Variants in MAPK9 observed in about 807,000 individuals in gnomAD.
The protein encoded by MAPK9 is Jun kinase.
A neutral mutation model predicts 57.1 loss-of-function variants in MAPK9; 30 were observed. The ratio of observed to expected loss-of-function variants is 0.53; its 90% CI spans 0.39 to 0.71. The LOEUF is 0.71. Ranked by LOEUF, MAPK9 falls within the 30% of genes least tolerant of loss-of-function variation. The pLI, the probability that MAPK9 is intolerant of heterozygous loss-of-function variation, is 0.00. For missense variants in MAPK9, 362 were observed against 521.0 expected (o/e 0.69, Z 2.97); for synonymous variants, 155 against 177.0 (o/e 0.88, Z 0.99).
At chr5:180,286,501 A>T (rs1762784254) in intron 1 of MAPK9, among the ~76,000 whole-genome samples, 1 of 151,774 alleles carries the variant, frequency 6.6e-6, no homozygotes, top group Non-Finnish European at 1.5e-5. Context: ...TTTCTTTGAT[A>T]ATCAAGAACC....
intron 4 of MAPK9, 29 bp downstream of exon 4, chr5:180,264,752 G>C: frequency 6.4e-7 from 1 of 1,553,592 alleles, no homozygotes; most frequent in Non-Finnish European, 8.7e-7. Flanking sequence ...TTGATGTACA[G>C]TGCATTACTG....
At chr5:180,266,059 T>C (rs1344687445) in intron 3 of MAPK9, among the ~76,000 whole-genome samples, 1 of 133,732 alleles carries the variant, frequency 7.5e-6, no homozygotes, top group African/African-American at 2.8e-5. Flanking sequence ...TAATGTCAAA[T>C]GGAAAAAAAA....
chr5:180,270,775 G>A (rs754741643), intron 2 of MAPK9, among the ~76,000 whole-genome samples: 10 of 151,394 alleles, frequency 6.6e-5, no homozygotes, highest in Non-Finnish European at 1.0e-4. Flanking sequence ...TGCTTGAGCC[G>A]GGGGTCGAGA....
chr5:180,254,329 G>T (rs1759040430), intron 5 of MAPK9, among the ~76,000 whole-genome samples: 1 of 152,172 alleles, frequency 6.6e-6, no homozygotes, highest in African/African-American at 2.4e-5. Context: ...GTGTGACAGG[G>T]AGGGACCTAA....
chr5:180,262,740 T>G (rs1195924122), intron 4 of MAPK9, among the ~76,000 whole-genome samples: 2 of 152,038 alleles, frequency 1.3e-5, no homozygotes, highest in Non-Finnish European at 2.9e-5. Context: ...CTCAGCCTTC[T>G]CCCATTTTTT....
chr5:180,280,861 C>A (rs1191458329), intron 1 of MAPK9, among the ~76,000 whole-genome samples: 1 of 152,092 alleles, frequency 6.6e-6, no homozygotes, highest in African/African-American at 2.4e-5. Context: ...AAATAACCAC[C>A]TTTGGAGAAA....
intron 1 of MAPK9, among the ~76,000 whole-genome samples, chr5:180,281,779 G>T (rs977984096): frequency 1.3e-5 from 2 of 152,170 alleles, no homozygotes; most frequent in African/African-American, 2.4e-5. Context: ...AGTGACCACT[G>T]CCCCACGGTC....
chr5:180,280,332 AAC>A, intron 2 of MAPK9, 106 bp downstream of exon 2: 7 of 1,451,782 alleles, frequency 4.8e-6, no homozygotes, highest in East Asian at 2.3e-5. Flanking sequence ...ATAAACCTAT[AAC>A]AGAGTTTTTT....
intron 8 of MAPK9, among the ~76,000 whole-genome samples, chr5:180,241,358 C>T (rs111804647): frequency 3.0e-4 from 45 of 150,588 alleles, no homozygotes; most frequent in Non-Finnish European, 5.6e-4. Context: ...AATGCAGTGG[C>T]GCAATCTTGG....
chr5:180,274,821 C>G (rs1761670488), intron 2 of MAPK9, among the ~76,000 whole-genome samples: 1 of 152,070 alleles, frequency 6.6e-6, no homozygotes, highest in Non-Finnish European at 1.5e-5. Context: ...AAACTAACAC[C>G]TTCTCTGTTT....
At chr5:180,268,267 T>C (rs1331303863) in intron 3 of MAPK9, among the ~76,000 whole-genome samples, 1 of 152,206 alleles carries the variant, frequency 6.6e-6, no homozygotes, top group African/African-American at 2.4e-5. Context: ...TTGATTTCTG[T>C]GGAGCTTCCA....
At chr5:180,243,932 C>T (rs893132971) in intron 7 of MAPK9, among the ~76,000 whole-genome samples, 4 of 152,188 alleles carry the variant, frequency 2.6e-5, no homozygotes, top group African/African-American at 9.7e-5. Context: ...ACTGCAACCT[C>T]CACCTCCCGG....
At chr5:180,255,303 A>C (rs1759157808) in intron 5 of MAPK9, among the ~76,000 whole-genome samples, 1 of 152,124 alleles carries the variant, frequency 6.6e-6, no homozygotes, top group South Asian at 2.1e-4. Flanking sequence ...AGAGACAAGG[A>C]CAGCAAGCAA....
intron 9 of MAPK9, among the ~76,000 whole-genome samples, chr5:180,240,394 A>C (rs575718759): frequency 6.6e-6 from 1 of 152,328 alleles, no homozygotes; most frequent in Non-Finnish European, 1.5e-5. Context: ...CCAATGTCCA[A>C]CTCATAAATG....
At chr5:180,255,672 C>T (rs1467526006) in intron 5 of MAPK9, among the ~76,000 whole-genome samples, 3 of 152,118 alleles carry the variant, frequency 2.0e-5, no homozygotes, top group Non-Finnish European at 2.9e-5. Flanking sequence ...CTCACGATGA[C>T]GCAACGAGCC....
At chr5:180,283,196 C>T (rs1309413479) in intron 1 of MAPK9, among the ~76,000 whole-genome samples, 21 of 152,180 alleles carry the variant, frequency 1.4e-4, no homozygotes, top group Admixed American at 1.2e-3. Context: ...CTAGAGACGA[C>T]GCCTGGCAGC....
At chr5:180,276,499 TACA>T (rs902430536) in intron 2 of MAPK9, among the ~76,000 whole-genome samples, 1 of 152,252 alleles carries the variant, frequency 6.6e-6, no homozygotes, top group Non-Finnish European at 1.5e-5. Flanking sequence ...TTCAAAATCT[TACA>T]ATTATTTAAT....
chr5:180,289,134 T>A (rs1460572984), intron 1 of MAPK9, among the ~76,000 whole-genome samples: 1 of 152,244 alleles, frequency 6.6e-6, no homozygotes, highest in Non-Finnish European at 1.5e-5. Context: ...AAATCTGGTC[T>A]CTGTTTTATC....
In MAPK9 at chr5:180,242,593, G is replaced by A. The variant is rs1318757002; in HGVS notation, c.851C>T (p.Ser284Phe). The change falls in exon 8 of 12, where the codon TCT becomes TTT. Residue 284 changes from serine (S) to phenylalanine (F), a missense_variant. Around this residue, in one of 3 missense-constraint regions of MAPK9, gnomAD observed 199 missense variants for 251.3 expected, o/e 0.79. Coordinates refer to ENST00000452135, the MANE Select transcript of MAPK9 (RefSeq NM_002752.5). ...CTTACTTTTTATTTTGTCTCGCTCA[G>A]ATTCTGATGGGAATATCCAATCTGG... Reference protein sequence around the residue: ...LFPDWIFPSESERDKIKTSQA... With the variant: ...LFPDWIFPSEFERDKIKTSQA... 2 of 1,613,062 alleles carry A rather than the reference G, an allele frequency of 1.2e-6. No individual in the cohort carries two copies. The highest frequency in any genetic ancestry group is 2.2e-5 in the South Asian group (2 of 90,916).
Sources: gnomAD v4.1 joint callset for allele counts (sites outside exome capture counted in the v4.1 genomes callset) on GRCh38, gnomAD v4.1.1 for gene constraint, gnomAD v4.1.1 regional missense constraint, MANE v1.5 for transcripts, NCBI Gene and HGNC (gene_info 2026-07-23, HGNC 2026-07-21) for gene names.